CSTPP1: variants seen among roughly 807,000 people sequenced by gnomAD.
CSTPP1 encodes UPF0705 protein C11orf49.
the CSTPP1 span, among the ~76,000 whole-genome samples, chr11:46,966,018 A>G: frequency 6.6e-6 from 1 of 152,112 alleles, no homozygotes; most frequent in African/African-American, 2.4e-5. Flanking sequence ...CATTAATATC[A>G]CCACAGATCT....
the CSTPP1 span, among the ~76,000 whole-genome samples, chr11:47,101,164 A>ATTTTTTTTTTTTTTTTTTT: frequency 6.6e-5 from 2 of 30,378 alleles, 1 homozygote; most frequent in Non-Finnish European, 1.1e-4. Context: ...ACACCGGCTA[A>ATTTTTTTTTTTTTTTTTTT]TTTTTTTTTT....
chr11:47,110,890 C>CTTTTTTTTTTTTTTT, the CSTPP1 span, among the ~76,000 whole-genome samples: 9 of 125,468 alleles, frequency 7.2e-5, no homozygotes, highest in South Asian at 2.1e-3. Context: ...GAGAACACAT[C>CTTTTTTTTTTTTTTT]TTTTTTTTTT....
At chr11:47,000,913 C>T in the CSTPP1 span, among the ~76,000 whole-genome samples, 2 of 152,132 alleles carry the variant, frequency 1.3e-5, no homozygotes, top group African/African-American at 2.4e-5. Context: ...GTATTATCCT[C>T]ATTTTACTCA....
At chr11:46,985,912 A>G in the CSTPP1 span, among the ~76,000 whole-genome samples, 38 of 152,338 alleles carry the variant, frequency 2.5e-4, no homozygotes, top group African/African-American at 8.9e-4. Context: ...AACTCTCTGT[A>G]ATCCAAAGCC....
the CSTPP1 span, chr11:47,052,753 C>G: frequency 9.7e-6 from 4 of 410,634 alleles, no homozygotes; most frequent in Non-Finnish European, 1.7e-5. Context: ...ACTACCATCA[C>G]TAATGGTACC....
At chr11:46,947,928 CT>C in the CSTPP1 span, 8,284 of 294,182 alleles carry the variant, frequency 0.028, no homozygotes, top group South Asian at 0.052. Context: ...CCCATTGCCA[CT>C]TTTTTTTTTT....
At chr11:47,043,021 G>A in the CSTPP1 span, among the ~76,000 whole-genome samples, 1 of 152,078 alleles carries the variant, frequency 6.6e-6, no homozygotes, top group Non-Finnish European at 1.5e-5. Flanking sequence ...AAATTCATCT[G>A]ACTAGGAACT....
chr11:46,938,041 A>G, the CSTPP1 span, among the ~76,000 whole-genome samples: 1 of 150,600 alleles, frequency 6.6e-6, no homozygotes. Context: ...CGCCAGGTTA[A>G]TTTTATATTT....
chr11:47,082,285 A>G, the CSTPP1 span, among the ~76,000 whole-genome samples: 1 of 152,152 alleles, frequency 6.6e-6, no homozygotes, highest in Non-Finnish European at 1.5e-5. Context: ...CATAAAAGAA[A>G]AGATTGATAT....
At chr11:47,142,505 C>T in the CSTPP1 span, among the ~76,000 whole-genome samples, 2 of 151,962 alleles carry the variant, frequency 1.3e-5, no homozygotes, top group Non-Finnish European at 2.9e-5. Flanking sequence ...TAGTTCCTGC[C>T]CCTCAAAGAA....
the CSTPP1 span, among the ~76,000 whole-genome samples, chr11:47,014,629 C>T: frequency 6.6e-6 from 1 of 151,582 alleles, no homozygotes; most frequent in Non-Finnish European, 1.5e-5. Context: ...CACTTGGACC[C>T]GGGAGGCAGA....
the CSTPP1 span, among the ~76,000 whole-genome samples, chr11:47,024,124 T>C: frequency 6.6e-6 from 1 of 151,862 alleles, no homozygotes; most frequent in Non-Finnish European, 1.5e-5. Flanking sequence ...TGCAGTGGCA[T>C]GAACATAGCT....
At chr11:47,079,781 T>G in the CSTPP1 span, among the ~76,000 whole-genome samples, 2 of 152,218 alleles carry the variant, frequency 1.3e-5, no homozygotes, top group Non-Finnish European at 2.9e-5. Context: ...AAATTCTTTT[T>G]ATATGTTCAT....
the CSTPP1 span, among the ~76,000 whole-genome samples, chr11:47,137,164 T>C: frequency 2.0e-5 from 3 of 152,228 alleles, no homozygotes; most frequent in African/African-American, 7.2e-5. Flanking sequence ...TGGGTTTCTA[T>C]GCTGTACTCT....
chr11:46,958,643 A>G, the CSTPP1 span, among the ~76,000 whole-genome samples: 1 of 152,170 alleles, frequency 6.6e-6, no homozygotes, highest in Non-Finnish European at 1.5e-5. Context: ...GTATAGATTT[A>G]TTATGGGAAT....
At chr11:47,113,696 TG>T in the CSTPP1 span, among the ~76,000 whole-genome samples, 61 of 151,284 alleles carry the variant, frequency 4.0e-4, no homozygotes, top group African/African-American at 1.4e-3. Context: ...TTGATGGGGT[TG>T]TTTTTTTTCT....
chr11:46,974,873 C>T, the CSTPP1 span, among the ~76,000 whole-genome samples: 1 of 143,094 alleles, frequency 7.0e-6, no homozygotes, highest in Non-Finnish European at 1.6e-5. Flanking sequence ...CACACACACA[C>T]ACACACACAC....
the CSTPP1 span, among the ~76,000 whole-genome samples, chr11:47,057,131 CTG>C: frequency 7.2e-5 from 11 of 152,142 alleles, no homozygotes; most frequent in Non-Finnish European, 1.6e-4. Context: ...CTCATGAAGA[CTG>C]TAACAAACCT....
chr11:46,969,710 T>C, the CSTPP1 span, among the ~76,000 whole-genome samples: 1 of 152,196 alleles, frequency 6.6e-6, no homozygotes, highest in African/African-American at 2.4e-5. Flanking sequence ...TGGGATATTA[T>C]GCTGCAATGA....
Sources: allele counts gnomAD v4.1 joint callset (sites outside exome capture counted in the v4.1 genomes callset), GRCh38; gene constraint gnomAD v4.1.1; transcripts MANE v1.5; gene names NCBI Gene and HGNC (gene_info 2026-07-23, HGNC 2026-07-21).